Variants in WDPCP observed in about 807,000 individuals in gnomAD.
The protein encoded by WDPCP is WD repeat-containing and planar cell polarity effector protein fritz homolog.
A neutral mutation model predicts 93.1 loss-of-function variants in WDPCP; 71 were observed. The ratio of observed to expected loss-of-function variants is 0.76; its 90% CI spans 0.63 to 0.93. WDPCP has a LOEUF of 0.93. Among genes scored for constraint, WDPCP ranks in the 40% least tolerant of loss-of-function variants. The pLI, the probability that WDPCP is intolerant of heterozygous loss-of-function variation, is 0.00. For missense variants in WDPCP, 844 were observed against 887.4 expected, an observed-to-expected ratio of 0.95 and a Z score of 0.62; for synonymous variants, 315 against 315.0, an observed-to-expected ratio of 1.00 and a Z score of 0.00.
intron 2 of WDPCP, among the ~76,000 whole-genome samples, chr2:63,810,368 A>G (rs1052351613): frequency 1.3e-5 from 2 of 152,266 alleles, no homozygotes; most frequent in African/African-American, 2.4e-5. Flanking sequence ...ATACAGGCAT[A>G]TAAAAAGTTA....
rs182217914 is a variant in WDPCP at position 63,147,653 on chromosome 2, C to T, written c.2190+5261G>A. Among the ~76,000 whole-genome samples, 207 of 152,260 alleles carry T rather than the reference C, an allele frequency of 1.4e-3. 1 individual carries two copies. Among genetic ancestry groups the T allele is most frequent in the Non-Finnish European group, 2.0e-3 (133 of 68,012 alleles). ...AGTAAGATGTTGAGCAAAATGGATA[C>T]AGATACTGCCTTTTAGAAAGTTACA... is the stretch of plus-strand genomic sequence containing the variant. On this transcript the variant is annotated intron_variant, in intron 17 of 17. Transcript: ENST00000272321.
chr2:63,720,055 A>G lies in WDPCP; in HGVS notation n.309-69217T>C, dbSNP rs551168272. ...TTCTTTTTGGTATTCTGAATCTTTT[A>G]TAATATTTGTGTCATTACTAAAGAA... On this transcript the variant is annotated intron_variant and non_coding_transcript_variant, in intron 2 of 4. Coordinates refer to the WDPCP transcript ENST00000467687. 4.6e-5 allele frequency among the ~76,000 whole-genome samples: 7 copies of G among 152,332 alleles called. No individual in the cohort carries two copies. In the South Asian group the frequency reaches 1.4e-3, roughly 32 times the overall value.
At chr2:63,377,264 G>A (rs1691921701) in intron 12 of WDPCP, among the ~76,000 whole-genome samples, 1 of 151,508 alleles carries the variant, frequency 6.6e-6, no homozygotes, top group African/African-American at 2.4e-5. Flanking sequence ...AAAAATAAGA[G>A]AATATACATC....
chr2:63,800,235 C>A (rs1189241922), intron 2 of WDPCP, among the ~76,000 whole-genome samples: 1 of 152,088 alleles, frequency 6.6e-6, no homozygotes, highest in African/African-American at 2.4e-5. Context: ...GCAATTATTT[C>A]AGAACCACTG....
chr2:63,706,332 G>A (rs1669151968), intron 2 of WDPCP, among the ~76,000 whole-genome samples: 1 of 152,134 alleles, frequency 6.6e-6, no homozygotes, highest in Admixed American at 6.5e-5. Context: ...ATTTGATCCT[G>A]TCATTATGAT....
intron 3 of WDPCP, among the ~76,000 whole-genome samples, chr2:63,635,152 C>G (rs1709908652): frequency 6.6e-6 from 1 of 151,958 alleles, no homozygotes; most frequent in Admixed American, 6.6e-5. Flanking sequence ...TAGAAACATA[C>G]AAACTACCAA....
chr2:63,338,566 AAAAATATATATAT>A (rs1688601988), intron 12 of WDPCP, among the ~76,000 whole-genome samples: 12 of 9,912 alleles, frequency 1.2e-3, no homozygotes, highest in Non-Finnish European at 1.3e-3. Flanking sequence ...AAAAAAAAAA[AAAAATATATATAT>A]ATATATATAT....
At chr2:63,437,603 G>C (rs1195050711) in intron 7 of WDPCP, 49 bp from the exon 8 acceptor site, 2 of 1,494,216 alleles carry the variant, frequency 1.3e-6, no homozygotes, top group African/African-American at 2.8e-5. Context: ...ATAATGAATA[G>C]ATTTTTCCAC....
chr2:63,186,812 T>G (rs1381691897), intron 14 of WDPCP, among the ~76,000 whole-genome samples: 1 of 130,522 alleles, frequency 7.7e-6, no homozygotes, highest in Non-Finnish European at 1.7e-5. Context: ...TGTGTGTGTG[T>G]TTTTTTTTTT....
chr2:63,459,088 A>G (rs1359822369), intron 6 of WDPCP, among the ~76,000 whole-genome samples: 1 of 152,166 alleles, frequency 6.6e-6, no homozygotes, highest in East Asian at 1.9e-4. Context: ...GATGGATTAA[A>G]CCCAAAAGTA....
At chr2:63,340,663 G>C (rs967476911) in intron 12 of WDPCP, among the ~76,000 whole-genome samples, 1 of 152,180 alleles carries the variant, frequency 6.6e-6, no homozygotes, top group Non-Finnish European at 1.5e-5. Context: ...ATAGGAGTAA[G>C]GGGTATGATG....
intron 1 of WDPCP, among the ~76,000 whole-genome samples, chr2:63,550,111 C>A (rs1248535495): frequency 6.6e-6 from 1 of 151,808 alleles, no homozygotes; most frequent in East Asian, 1.9e-4. Context: ...ATTATACTGG[C>A]TTCTCCTATG....
chr2:63,834,298 A>G, the WDPCP span, among the ~76,000 whole-genome samples: 3 of 152,368 alleles, frequency 2.0e-5, no homozygotes, highest in Non-Finnish European at 2.9e-5. Context: ...GTTGCTGTAC[A>G]GATCCATGCA....
At chr2:63,359,427 C>A (rs1301323672) in intron 12 of WDPCP, among the ~76,000 whole-genome samples, 1 of 152,160 alleles carries the variant, frequency 6.6e-6, no homozygotes, top group African/African-American at 2.4e-5. Flanking sequence ...TGTTCAATAT[C>A]ATTAGCCATC....
intron 14 of WDPCP, among the ~76,000 whole-genome samples, chr2:63,239,688 T>C (rs1375366073): frequency 2.6e-5 from 4 of 152,194 alleles, no homozygotes; most frequent in Non-Finnish European, 5.9e-5. Context: ...TGTTAGCTAA[T>C]ATATGTTAAA....
chr2:63,554,467 C>T (rs914441417), intron 1 of WDPCP, among the ~76,000 whole-genome samples: 4 of 152,024 alleles, frequency 2.6e-5, no homozygotes, highest in East Asian at 1.9e-4. Context: ...GCCTGGCCAA[C>T]GTGGCAAAAC....
intron 12 of WDPCP, among the ~76,000 whole-genome samples, chr2:63,346,172 T>C (rs1689176322): frequency 6.6e-6 from 1 of 152,138 alleles, no homozygotes. Flanking sequence ...GAATGGCTCT[T>C]AGATGCCTGG....
chr2:63,277,450 T>C (rs539814823), intron 13 of WDPCP, among the ~76,000 whole-genome samples: 3 of 152,298 alleles, frequency 2.0e-5, no homozygotes, highest in South Asian at 4.1e-4. Flanking sequence ...ACTTAAAAGA[T>C]ACAGAATGGC....
At chr2:63,316,318 A>C (rs1251410048) in intron 12 of WDPCP, among the ~76,000 whole-genome samples, 2 of 152,164 alleles carry the variant, frequency 1.3e-5, no homozygotes, top group Non-Finnish European at 2.9e-5. Context: ...GGAGATATAA[A>C]AAGGAAATTT....
Sources: allele counts gnomAD v4.1 joint callset (sites outside exome capture counted in the v4.1 genomes callset), GRCh38; gene constraint gnomAD v4.1.1; transcripts MANE v1.5; gene names NCBI Gene and HGNC (gene_info 2026-07-23, HGNC 2026-07-21).